Variants in ADARB2 observed in about 807,000 individuals in gnomAD.
The protein encoded by ADARB2 is inactive double-stranded RNA-specific editase B2.
In ADARB2, 25 loss-of-function variants were observed where a neutral mutation model predicts 62.2. The ratio of observed to expected loss-of-function variants is 0.40; its 90% CI spans 0.29 to 0.56. The LOEUF is 0.56. Among genes scored for constraint, ADARB2 ranks in the 20% least tolerant of loss-of-function variants. ADARB2 has a pLI of 0.43. For missense variants in ADARB2, 1,071 were observed against 1,077.4 expected (o/e 0.99, Z 0.08); for synonymous variants, 572 against 500.8 (o/e 1.14, Z -1.90).
Position 1,737,133 on chromosome 10 carries a change from C to A in ADARB2, c.18G>T (p.Gly6=), listed in dbSNP as rs751262418. ...TCAGCCCTCCAGACCCTCTGCCGCT[C>A]CCCAGGACCGAGGCCATGGCCGAGA... is the stretch of plus-strand genomic sequence containing the variant. MASVL[G]SGRGSGGLSS... is the part of the protein sequence containing the mutation. The change falls in exon 1 of 10, where the codon GGG becomes GGT. Residue 6 remains glycine (G), a synonymous_variant. Coordinates refer to ENST00000381312, the MANE Select transcript of ADARB2 (RefSeq NM_018702.4). The A allele has an allele frequency of 6.2e-7, 1 of 1,609,022 alleles. No homozygotes were observed. The highest frequency in any genetic ancestry group is 8.5e-7 in the Non-Finnish European group (1 of 1,179,878).
At chr10:1,267,721 C>T (rs1355227901) in intron 4 of ADARB2, among the ~76,000 whole-genome samples, 1 of 152,196 alleles carries the variant, frequency 6.6e-6, no homozygotes, top group African/African-American at 2.4e-5. Flanking sequence ...AAACACAACA[C>T]AACTTGGAGC....
At chr10:1,327,641 C>A (rs1245612703) in intron 3 of ADARB2, among the ~76,000 whole-genome samples, 1 of 118,714 alleles carries the variant, frequency 8.4e-6, no homozygotes, top group East Asian at 2.3e-4. Context: ...CACAGCGCCT[C>A]CTCACTGCCC....
chr10:1,443,936 C>T (rs1306147765), intron 1 of ADARB2, among the ~76,000 whole-genome samples: 1 of 150,794 alleles, frequency 6.6e-6, no homozygotes, highest in Non-Finnish European at 1.5e-5. Flanking sequence ...ATGCTATTCA[C>T]CCATCCACCT....
chr10:1,584,635 C>T (rs1203145580), intron 1 of ADARB2, among the ~76,000 whole-genome samples: 1 of 152,224 alleles, frequency 6.6e-6, no homozygotes, highest in East Asian at 1.9e-4. Flanking sequence ...CAAAAACCTG[C>T]ACTTGGATGG....
chr10:1,274,559 C>T (rs779868486), intron 3 of ADARB2, among the ~76,000 whole-genome samples: 1 of 151,976 alleles, frequency 6.6e-6, no homozygotes, highest in Admixed American at 6.6e-5. Context: ...TTGAGAGGCT[C>T]CAGCACAGGA....
chr10:1,286,994 C>T (rs577532151), intron 3 of ADARB2, among the ~76,000 whole-genome samples: 1 of 152,292 alleles, frequency 6.6e-6, no homozygotes, highest in South Asian at 2.1e-4. Context: ...CCTCATCCTT[C>T]AAATTAAAGT....
chr10:1,537,579 T>C (rs1011257473), intron 1 of ADARB2, among the ~76,000 whole-genome samples: 1 of 152,064 alleles, frequency 6.6e-6, no homozygotes, highest in Non-Finnish European at 1.5e-5. Context: ...CCATCAATGA[T>C]AGACTGAACA....
At chr10:1,621,714 C>A (rs1833705907) in intron 1 of ADARB2, among the ~76,000 whole-genome samples, 2 of 152,130 alleles carry the variant, frequency 1.3e-5, no homozygotes, top group Non-Finnish European at 2.9e-5. Flanking sequence ...CAAAGGAGAC[C>A]TAAGTAAATA....
At chr10:1,686,386 T>C (rs529624761) in intron 1 of ADARB2, among the ~76,000 whole-genome samples, 18 of 152,274 alleles carry the variant, frequency 1.2e-4, no homozygotes, top group African/African-American at 4.3e-4. Context: ...ACCAAATAGG[T>C]TTGAAGGAAG....
At chr10:1,485,575 G>A (rs974262499) in intron 1 of ADARB2, among the ~76,000 whole-genome samples, 1 of 152,190 alleles carries the variant, frequency 6.6e-6, no homozygotes, top group Admixed American at 6.5e-5. Flanking sequence ...TCCACCAAGC[G>A]TCCCAGGTCT....
At chr10:1,265,043 G>C (rs1831180855) in intron 4 of ADARB2, among the ~76,000 whole-genome samples, 1 of 152,128 alleles carries the variant, frequency 6.6e-6, no homozygotes, top group African/African-American at 2.4e-5. Context: ...GGTAATGCAT[G>C]GTCACCACCG....
chr10:1,678,335 C>T (rs997430955), intron 1 of ADARB2: 21 of 984,942 alleles, frequency 2.1e-5, no homozygotes, highest in East Asian at 2.3e-4. Context: ...TGAACATCCT[C>T]GGGGTGAGGG....
chr10:1,201,816 T>A (rs1178408869), intron 7 of ADARB2, among the ~76,000 whole-genome samples: 5 of 100,224 alleles, frequency 5.0e-5, no homozygotes. Context: ...TCTGCCTGGA[T>A]CTCGGATGGT....
At chr10:1,417,337 A>G (rs1588251061) in intron 1 of ADARB2, among the ~76,000 whole-genome samples, 2 of 151,968 alleles carry the variant, frequency 1.3e-5, no homozygotes, top group East Asian at 3.9e-4. Flanking sequence ...GTCAGGAAGT[A>G]TAGACTAGAT....
chr10:1,322,037 C>T (rs542301029), intron 3 of ADARB2, among the ~76,000 whole-genome samples: 2 of 152,110 alleles, frequency 1.3e-5, no homozygotes, highest in South Asian at 2.1e-4. Flanking sequence ...CCTCCTCCCT[C>T]CTCTGACCAC....
At chr10:1,446,013 A>G (rs534124141) in intron 1 of ADARB2, among the ~76,000 whole-genome samples, 48 of 152,238 alleles carry the variant, frequency 3.2e-4, no homozygotes, top group African/African-American at 1.1e-3. Flanking sequence ...TAAAGCTCCT[A>G]CTCCCTAGAG....
chr10:1,527,845 G>A (rs932385009), intron 1 of ADARB2, among the ~76,000 whole-genome samples: 1 of 152,146 alleles, frequency 6.6e-6, no homozygotes, highest in Non-Finnish European at 1.5e-5. Flanking sequence ...CCAGCTGCAC[G>A]GGGAGAAGCC....
At chr10:1,568,509 A>G (rs1832887249) in intron 1 of ADARB2, among the ~76,000 whole-genome samples, 1 of 152,106 alleles carries the variant, frequency 6.6e-6, no homozygotes, top group African/African-American at 2.4e-5. Flanking sequence ...CCAAGTTAAT[A>G]GTTTAAAAAA....
At chr10:1,644,808 G>C (rs1834018834) in intron 1 of ADARB2, among the ~76,000 whole-genome samples, 1 of 152,214 alleles carries the variant, frequency 6.6e-6, no homozygotes, top group Non-Finnish European at 1.5e-5. Context: ...CTCTTCTTGA[G>C]GTTCTGGATT....
Sources: allele counts gnomAD v4.1 joint callset (sites outside exome capture counted in the v4.1 genomes callset), GRCh38; gene constraint gnomAD v4.1.1; transcripts MANE v1.5; gene names NCBI Gene and HGNC (gene_info 2026-07-23, HGNC 2026-07-21).